Variants in PKP4 observed in about 807,000 individuals in gnomAD.
PKP4 encodes plakophilin 4, also known as plakophilin-4.
A neutral mutation model predicts 145.1 loss-of-function variants in PKP4; 90 were observed. That is an observed-to-expected ratio of 0.62 (90% CI 0.52 to 0.74). PKP4 has a LOEUF of 0.74. Among genes scored for constraint, PKP4 ranks in the 30% least tolerant of loss-of-function variants. The pLI, the probability that PKP4 is intolerant of heterozygous loss-of-function variation, is 0.00. For synonymous variants in PKP4, 563 were observed against 577.2 expected, an observed-to-expected ratio of 0.98 and a Z score of 0.35; for missense variants, 1,340 against 1,482.7, an observed-to-expected ratio of 0.90 and a Z score of 1.58.
chr2:158,504,465 T>G (rs1248619466), intron 1 of PKP4, among the ~76,000 whole-genome samples: 1 of 152,250 alleles, frequency 6.6e-6, no homozygotes, highest in African/African-American at 2.4e-5. Context: ...CTTCTCATTC[T>G]TGTAGTCCTG....
intron 1 of PKP4, among the ~76,000 whole-genome samples, chr2:158,505,482 T>C (rs2105508886): frequency 6.6e-6 from 1 of 152,308 alleles, no homozygotes; most frequent in Admixed American, 6.5e-5. Flanking sequence ...CCCAGGTTTT[T>C]CCTCCTGTAC....
chr2:158,592,793 A>T (rs551167024), intron 3 of PKP4, among the ~76,000 whole-genome samples: 6 of 152,164 alleles, frequency 3.9e-5, no homozygotes, highest in Non-Finnish European at 8.8e-5. Flanking sequence ...ATTTTTACAT[A>T]GTCTTTTCAA....
chr2:158,535,306 T>C (rs1417982358), intron 2 of PKP4, among the ~76,000 whole-genome samples: 1 of 152,246 alleles, frequency 6.6e-6, no homozygotes, highest in Admixed American at 6.5e-5. Context: ...TTTTAAAATT[T>C]ACTGGTCAGA....
At chr2:158,649,726 C>T (rs1368016458) in intron 11 of PKP4, among the ~76,000 whole-genome samples, 1 of 152,204 alleles carries the variant, frequency 6.6e-6, no homozygotes, top group Non-Finnish European at 1.5e-5. Flanking sequence ...GGTATTCAAA[C>T]ATCAGTCAGA....
In PKP4 at chr2:158,583,934, C is replaced by T. The variant is rs115291012; in HGVS notation, c.245+6551C>T. On this transcript the variant is annotated intron_variant, in intron 3 of 21. Transcript: ENST00000389759. ...AATAGATCACAGCGAGGGAGCTGCT[C>T]CACTACATACGAAATCCAACCCAGA... Among the ~76,000 whole-genome samples the T allele has an allele frequency of 8.2e-3, 1,253 of 152,144 alleles. 20 individuals are homozygous for T. Among genetic ancestry groups the T allele is most frequent in the African/African-American group, 0.029 (1,194 of 41,486 alleles).
intron 1 of PKP4, among the ~76,000 whole-genome samples, chr2:158,524,484 A>C (rs373263724): frequency 2.5e-5 from 3 of 120,708 alleles, no homozygotes; most frequent in African/African-American, 6.4e-5. Flanking sequence ...TGAAGGAAGC[A>C]CTAAACATGG....
At chr2:158,504,726 A>C (rs1438533161) in intron 1 of PKP4, among the ~76,000 whole-genome samples, 2 of 152,208 alleles carry the variant, frequency 1.3e-5, no homozygotes. Flanking sequence ...TGTATCGCAA[A>C]TCAGATACTA....
intron 1 of PKP4, among the ~76,000 whole-genome samples, chr2:158,486,738 A>G (rs539449624): frequency 4.1e-4 from 62 of 152,372 alleles, no homozygotes; most frequent in African/African-American, 1.4e-3. Flanking sequence ...ACTGATGTGT[A>G]ATGCCAGCAG....
At chr2:158,537,428 G>A (rs562376853) in intron 2 of PKP4, among the ~76,000 whole-genome samples, 1 of 152,296 alleles carries the variant, frequency 6.6e-6, no homozygotes, top group African/African-American at 2.4e-5. Context: ...TGTATCAGGT[G>A]ATACGGGTAA....
At chr2:158,555,529 T>G (rs2046013622) in intron 2 of PKP4, among the ~76,000 whole-genome samples, 1 of 152,248 alleles carries the variant, frequency 6.6e-6, no homozygotes, top group Admixed American at 6.5e-5. Flanking sequence ...ACATAAATGC[T>G]TCTCTGTTCT....
At chr2:158,463,700 G>C (rs2105379982) in intron 1 of PKP4, among the ~76,000 whole-genome samples, 1 of 152,238 alleles carries the variant, frequency 6.6e-6, no homozygotes, top group Middle Eastern at 3.4e-3. Flanking sequence ...GCAACTCTTA[G>C]AACATCAAGC....
chr2:158,480,344 C>G (rs746777464), intron 1 of PKP4, among the ~76,000 whole-genome samples: 6 of 152,140 alleles, frequency 3.9e-5, no homozygotes, highest in Non-Finnish European at 5.9e-5. Flanking sequence ...TCAAGTGATT[C>G]TCCTGCCATA....
At position 158,475,537 on chromosome 2, in the gene PKP4, C is replaced by G. The variant is rs1208663458; in HGVS notation, c.-6+18319C>G. On this transcript the variant is annotated intron_variant, in intron 1 of 21. Coordinates refer to ENST00000389759, the MANE Select transcript of PKP4 (RefSeq NM_003628.6). ...TGTGGCACTTGAAATGACCTGACAA[C>G]TTTCTACTGCAATATTCTAGAATTT... Among the ~76,000 whole-genome samples the G allele has an allele frequency of 2.0e-5, 3 of 152,224 alleles. 1 individual carries two copies. The East Asian group carries it at 5.8e-4, about 29-fold the overall frequency.
At chr2:158,620,965 G>A (rs751405338) in intron 4 of PKP4, 25 bp from the exon 5 acceptor site, 1 of 1,606,052 alleles carries the variant, frequency 6.2e-7, no homozygotes, top group Non-Finnish European at 8.5e-7. Context: ...ATTATATTTA[G>A]CTGATTAAAC....
At chr2:158,637,413 A>G (rs2356138) in intron 9 of PKP4, among the ~76,000 whole-genome samples, 139,669 of 152,212 alleles carry the variant, frequency 0.92, 64,145 homozygotes, top group East Asian at 0.97. Flanking sequence ...AGCTCAGGGT[A>G]CAACTAAGGA....
intron 9 of PKP4, among the ~76,000 whole-genome samples, chr2:158,635,219 A>G (rs2053707408): frequency 1.3e-5 from 2 of 152,194 alleles, no homozygotes; most frequent in Non-Finnish European, 2.9e-5. Flanking sequence ...CATTAAAACA[A>G]AATGACTAAA....
At position 158,582,201 on chromosome 2, in the gene PKP4, G is replaced by A. The variant is rs893761035; in HGVS notation, c.245+4818G>A. Among the ~76,000 whole-genome samples, 5 of 152,082 alleles carry A rather than the reference G, an allele frequency of 3.3e-5. No individual in the cohort carries two copies. In the South Asian group the frequency reaches 8.3e-4, roughly 25 times the overall value. ...ATTTTACTCATTGAAGTTTGGTTTTGGAATGAATTAATAAAGAAGTTATGG... is the reference window on the plus strand; with the variant it reads ...ATTTTACTCATTGAAGTTTGGTTTTAGAATGAATTAATAAAGAAGTTATGG... On this transcript the variant is annotated intron_variant, in intron 3 of 21. Coordinates refer to ENST00000389759, the MANE Select transcript of PKP4 (RefSeq NM_003628.6).
intron 6 of PKP4, among the ~76,000 whole-genome samples, chr2:158,623,856 CTTTA>C (rs1166374487): frequency 6.6e-6 from 1 of 152,178 alleles, no homozygotes; most frequent in African/African-American, 2.4e-5. Flanking sequence ...TCCCTAATGT[CTTTA>C]TTTCTCAGTT....
chr2:158,538,204 G>C lies in PKP4; in HGVS notation c.132+4888G>C, dbSNP rs79842997. The stretch of plus-strand genomic sequence containing the variant: ...GCTGCCCTCTGCAACTTACTTAGAT[G>C]GGTCAGAATGCTCACTCACAGGCAC... On this transcript the variant is annotated intron_variant, in intron 2 of 21. Coordinates refer to ENST00000389759, the MANE Select transcript of PKP4 (RefSeq NM_003628.6). Among the ~76,000 whole-genome samples, 1,080 of 152,256 alleles carry C rather than the reference G, an allele frequency of 7.1e-3. 13 individuals carry two copies. The highest frequency in any genetic ancestry group is 0.025 in the African/African-American group (1,028 of 41,548).
Sources: allele counts gnomAD v4.1 joint callset (sites outside exome capture counted in the v4.1 genomes callset), GRCh38; gene constraint gnomAD v4.1.1; transcripts MANE v1.5; gene names NCBI Gene and HGNC (gene_info 2026-07-23, HGNC 2026-07-21).